The following VEGFC variants were observed in gnomAD, a reference collection of about 807,000 sequenced individuals.
VEGFC encodes FLT4 ligand DHM.
Under a neutral mutation model 46.1 loss-of-function variants are expected in VEGFC, and 12 were observed. The observed-to-expected ratio is 0.26, with a 90% CI of 0.17 to 0.42. VEGFC has a LOEUF of 0.42. Ranked by LOEUF, VEGFC falls within the 10% of genes least tolerant of loss-of-function variation. The pLI is 1.00. For synonymous variants in VEGFC, 232 were observed against 195.5 expected, an observed-to-expected ratio of 1.19 and a Z score of -1.56; for missense variants, 488 against 529.4, an observed-to-expected ratio of 0.92 and a Z score of 0.77.
intron 1 of VEGFC, among the ~76,000 whole-genome samples, chr4:176,773,470 A>AT (rs1212508254): frequency 6.6e-6 from 1 of 152,230 alleles, no homozygotes; most frequent in Admixed American, 6.5e-5. Flanking sequence ...AGAGAATGAA[A>AT]TAAACTTATT....
intron 3 of VEGFC, among the ~76,000 whole-genome samples, chr4:176,714,315 C>A (rs542389339): frequency 6.6e-6 from 1 of 152,258 alleles, no homozygotes; most frequent in East Asian, 1.9e-4. Context: ...CCCTCTCTTG[C>A]TCACACTCTG....
chr4:176,700,183 G>A (rs1046168642), intron 4 of VEGFC, among the ~76,000 whole-genome samples: 1 of 152,170 alleles, frequency 6.6e-6, no homozygotes, highest in African/African-American at 2.4e-5. Context: ...TTGGGAGGTC[G>A]AGATGGGCAG....
intron 1 of VEGFC, among the ~76,000 whole-genome samples, chr4:176,737,611 A>G (rs1207281855): frequency 1.3e-5 from 2 of 151,558 alleles, no homozygotes; most frequent in East Asian, 3.9e-4. Flanking sequence ...TCAGATTCTG[A>G]ACAGAATAAT....
At chr4:176,709,875 A>G (rs1018349112) in intron 4 of VEGFC, among the ~76,000 whole-genome samples, 2 of 152,202 alleles carry the variant, frequency 1.3e-5, no homozygotes, top group Non-Finnish European at 2.9e-5. Context: ...ACTGCATTAG[A>G]TCAGAGACAT....
At chr4:176,752,118 T>C (rs190727033) in intron 1 of VEGFC, among the ~76,000 whole-genome samples, 25 of 152,126 alleles carry the variant, frequency 1.6e-4, no homozygotes, top group Admixed American at 1.6e-3. Context: ...TGAAATTGCG[T>C]TAAAATTTTT....
chr4:176,687,083 G>A, intron 6 of VEGFC, 104 bp downstream of exon 6: 2 of 1,196,316 alleles, frequency 1.7e-6, no homozygotes, highest in Non-Finnish European at 2.4e-6. Flanking sequence ...GAATGTATTG[G>A]CCTCATTCTA....
intron 3 of VEGFC, among the ~76,000 whole-genome samples, chr4:176,719,400 A>G (rs1014587909): frequency 1.3e-5 from 2 of 152,178 alleles, no homozygotes; most frequent in African/African-American, 4.8e-5. Context: ...TACTACACTG[A>G]TAATGCAATA....
intron 3 of VEGFC, among the ~76,000 whole-genome samples, chr4:176,713,132 T>C (rs938906856): frequency 1.2e-4 from 19 of 152,332 alleles, no homozygotes; most frequent in Admixed American, 3.3e-4. Flanking sequence ...TTATTACTAT[T>C]TGTGTAAATT....
At chr4:176,719,033 G>A (rs1035660479) in intron 3 of VEGFC, among the ~76,000 whole-genome samples, 3 of 152,162 alleles carry the variant, frequency 2.0e-5, no homozygotes, top group Admixed American at 6.5e-5. Context: ...TACTTGTGTG[G>A]AGAACTTTGA....
chr4:176,763,951 AAAATG>A (rs34057584), intron 1 of VEGFC, among the ~76,000 whole-genome samples: 1,782 of 152,260 alleles, frequency 0.012, 17 homozygotes, highest in African/African-American at 0.03. Context: ...TATCCAAACA[AAAATG>A]TGTTCCCTTA....
At chr4:176,713,271 G>A (rs774008605) in intron 3 of VEGFC, among the ~76,000 whole-genome samples, 9 of 152,158 alleles carry the variant, frequency 5.9e-5, no homozygotes, top group East Asian at 5.8e-4. Context: ...GTTTATACAC[G>A]TTGGATAAAA....
At chr4:176,694,769 A>G (rs1309074736) in intron 4 of VEGFC, among the ~76,000 whole-genome samples, 1 of 142,742 alleles carries the variant, frequency 7.0e-6, no homozygotes, top group South Asian at 2.2e-4. Context: ...CAGAAATTAT[A>G]ACAAACTATC....
chr4:176,766,208 T>C (rs1735619655), intron 1 of VEGFC, among the ~76,000 whole-genome samples: 1 of 152,158 alleles, frequency 6.6e-6, no homozygotes, highest in Non-Finnish European at 1.5e-5. Flanking sequence ...TTTCCCCAAA[T>C]CAATTTTTAG....
chr4:176,722,036 A>C (rs1734795228), intron 3 of VEGFC, among the ~76,000 whole-genome samples: 1 of 152,142 alleles, frequency 6.6e-6, no homozygotes, highest in Non-Finnish European at 1.5e-5. Context: ...CAAAATAAAA[A>C]CTAATGCTAT....
intron 1 of VEGFC, among the ~76,000 whole-genome samples, chr4:176,784,468 C>T (rs1735966593): frequency 6.6e-6 from 1 of 151,642 alleles, no homozygotes; most frequent in African/African-American, 2.4e-5. Context: ...AGTAACTAGG[C>T]TGGGCGTGGT....
intron 3 of VEGFC, among the ~76,000 whole-genome samples, chr4:176,722,927 G>C (rs1377966274): frequency 6.6e-6 from 1 of 152,200 alleles, no homozygotes; most frequent in Non-Finnish European, 1.5e-5. Context: ...CTGGGTGAAT[G>C]TGACACCTAA....
Position 176,687,944 on chromosome 4 carries a change from C to T in VEGFC, c.705-17G>A, listed in dbSNP as rs541594133. ...GCCTGACACCTTTGGAAGAAACAGA[C>T]GAGGTTTAGCAATGGTGTAACTGGT... On this transcript the variant is annotated splice_polypyrimidine_tract_variant and intron_variant, in intron 4 of 6. Coordinates refer to ENST00000618562, the MANE Select transcript of VEGFC (RefSeq NM_005429.5). 74 of 1,539,710 alleles carry T rather than the reference C, an allele frequency of 4.8e-5. 1 individual carries two copies. Among genetic ancestry groups the T allele is most frequent in the South Asian group, 4.3e-4 (38 of 88,212 alleles).
At chr4:176,733,181 C>G (rs1433437654) in intron 1 of VEGFC, among the ~76,000 whole-genome samples, 1 of 151,900 alleles carries the variant, frequency 6.6e-6, no homozygotes, top group Non-Finnish European at 1.5e-5. Flanking sequence ...TAAATCTGTA[C>G]AGCCACTTTG....
chr4:176,712,781 T>A (rs1187401376), intron 3 of VEGFC, among the ~76,000 whole-genome samples: 1 of 152,222 alleles, frequency 6.6e-6, no homozygotes, highest in Non-Finnish European at 1.5e-5. Context: ...TTTAAATGAA[T>A]TCTGAATAAT....
Sources: gnomAD v4.1 joint callset for allele counts (sites outside exome capture counted in the v4.1 genomes callset) on GRCh38, gnomAD v4.1.1 for gene constraint, MANE v1.5 for transcripts, NCBI Gene and HGNC (gene_info 2026-07-23, HGNC 2026-07-21) for gene names.